The following EVI5L variants were observed in gnomAD, a reference collection of about 807,000 sequenced individuals.
EVI5L encodes the protein EVI5-like protein.
EVI5L carries 30 observed loss-of-function variants against 106.1 expected under a neutral mutation model. The observed-to-expected ratio is 0.28, with a 90% CI of 0.21 to 0.38. The LOEUF (loss-of-function observed/expected upper bound fraction) is 0.38. Among genes scored for constraint, EVI5L ranks in the 10% least tolerant of loss-of-function variants. EVI5L has a pLI of 1.00. For missense variants in EVI5L, 809 were observed against 1,098.0 expected (o/e 0.74, Z 3.72); for synonymous variants, 489 against 483.3 (o/e 1.01, Z -0.15).
At chr19:7,831,333 C>T (rs1296037657) in intron 1 of EVI5L, among the ~76,000 whole-genome samples, 1 of 151,200 alleles carries the variant, frequency 6.6e-6, no homozygotes, top group East Asian at 2.0e-4. Context: ...AGACCCCAGG[C>T]ATATCTGCCC....
chr19:7,849,993 C>A lies in EVI5L; in HGVS notation c.628-4C>A. 1 of 1,589,078 alleles carries A rather than the reference C, an allele frequency of 6.3e-7. No homozygotes were observed. Among genetic ancestry groups the A allele is most frequent in the East Asian group, 2.3e-5 (1 of 43,912 alleles). ...GAGCCCCCCCACCTGCCCGTCCCCC[C>A]TAGATGCCTGAGGAGGAGGCCTTCT... On this transcript the variant is annotated splice_polypyrimidine_tract_variant and splice_region_variant and intron_variant, in intron 5 of 19. Coordinates refer to ENST00000538904, the MANE Select transcript of EVI5L (RefSeq NM_001159944.3).
chr19:7,841,147 G>A lies in EVI5L; in HGVS notation c.-47-5349G>A, dbSNP rs368421237. 2.6e-5 allele frequency among the ~76,000 whole-genome samples: 4 copies of A among 152,134 alleles called. No homozygotes were observed. In the East Asian group the frequency reaches 5.8e-4, roughly 22 times the overall value. ...GGGCACAGGTGATTCCTGCCTCTGC[G>A]GGGGAAACACAGAACATGGAATGGT... On this transcript the variant is annotated intron_variant, in intron 1 of 19. Coordinates refer to ENST00000538904, the MANE Select transcript of EVI5L (RefSeq NM_001159944.3).
intron 8 of EVI5L, 134 bp from the exon 9 acceptor site, chr19:7,852,952 G>T (rs1979328133): frequency 1.3e-6 from 1 of 767,640 alleles, no homozygotes; most frequent in Non-Finnish European, 2.2e-6. Flanking sequence ...AAACACTGAG[G>T]ACACGGCGTT....
intron 17 of EVI5L, 44 bp from the exon 18 acceptor site, chr19:7,862,928 G>A: frequency 7.8e-7 from 1 of 1,276,554 alleles, no homozygotes; most frequent in Non-Finnish European, 1.1e-6. Flanking sequence ...GATGCGCCGC[G>A]CCCCCTGACC....
chr19:7,858,541 C>G lies in EVI5L; in HGVS notation c.1374+210C>G, dbSNP rs1035098149. The G allele has an allele frequency of 1.5e-6, 1 of 659,506 alleles. No individual in the cohort carries two copies. Among genetic ancestry groups the G allele is most frequent in the African/African-American group, 1.8e-5 (1 of 54,532 alleles). The allele number at this position is 659,506 out of a possible 1,614,324, so 40.9% of individuals were successfully genotyped here. A position where few individuals can be genotyped will look rare whatever the true frequency, so the allele number is the denominator to read the frequency against. On this transcript the variant is annotated intron_variant, in intron 13 of 19. Coordinates refer to ENST00000538904, the MANE Select transcript of EVI5L (RefSeq NM_001159944.3). The surrounding 1 kb of genome is among the most constrained non-coding windows in gnomAD (Gnocchi z 5.7). The stretch of plus-strand genomic sequence containing the variant: ...CATCCTGATATCCATTTCTTGCCAC[C>G]TCATAGTGTGTCTGCAGTATCTGAC...
In EVI5L at chr19:7,863,198, G is replaced by C; in HGVS notation, c.2057G>C (p.Arg686Pro). ...CGCACCCCGCAGAGGGAGGAAGGCC[G>C]CATCCAGGGCCAGCTGAACCACTCG... ...AELEIQREEG[R>P]IQGQLNHSDS... The change falls in exon 19 of 20, where the codon CGC becomes CCC. Residue 686 changes from arginine to proline, a missense_variant. Transcript: ENST00000538904. This position sits in a 1 kb window ranked among gnomAD's most constrained non-coding sequence, Gnocchi z 7.7. The C allele has an allele frequency of 6.4e-7, 1 of 1,557,698 alleles. No individual in the cohort carries two copies.
rs1979057214 is a variant in EVI5L, at chr19:7,848,244, G to A, written c.327+323G>A. On this transcript the variant is annotated intron_variant, in intron 3 of 19. Coordinates refer to ENST00000538904, the MANE Select transcript of EVI5L (RefSeq NM_001159944.3). This position sits in a 1 kb window ranked among gnomAD's most constrained non-coding sequence, Gnocchi z 4.8. Reference sequence around the variant, plus strand: ...AAGGTGGGAGGATCGCTTGAGGCCAGGAGTTCGAGGCCAGCCTGGGCAACG... The same window carrying A: ...AAGGTGGGAGGATCGCTTGAGGCCAAGAGTTCGAGGCCAGCCTGGGCAACG... Among the ~76,000 whole-genome samples, 1 of 151,838 alleles carries A rather than the reference G, an allele frequency of 6.6e-6. No individual in the cohort carries two copies. The highest frequency in any genetic ancestry group is 1.5e-5 in the Non-Finnish European group (1 of 67,938).
chr19:7,844,977 C>T (rs1458847817), intron 1 of EVI5L, among the ~76,000 whole-genome samples: 1 of 152,090 alleles, frequency 6.6e-6, no homozygotes, highest in East Asian at 1.9e-4. Flanking sequence ...TGAGTTTGGG[C>T]TGTGGGAAGG....
At chr19:7,847,711 C>G (rs763967496) in intron 2 of EVI5L, 21 bp from the exon 3 acceptor site, 22 of 1,605,950 alleles carry the variant, frequency 1.4e-5, no homozygotes, top group Non-Finnish European at 1.8e-5. Flanking sequence ...TGGTTCCCCT[C>G]TGTCGGCCCT....
At chr19:7,847,967 G>A (rs1345765974) in intron 3 of EVI5L, 46 bp downstream of exon 3, 1 of 1,501,006 alleles carries the variant, frequency 6.7e-7, no homozygotes, top group East Asian at 2.5e-5. Flanking sequence ...GGCGTGGGCA[G>A]GTGGTGCGGT....
chr19:7,847,992 G>C, intron 3 of EVI5L, 71 bp downstream of exon 3: 6 of 1,471,326 alleles, frequency 4.1e-6, no homozygotes, highest in Non-Finnish European at 5.4e-6. Flanking sequence ...CAGCCACCAG[G>C]CAGCGCCAGG....
chr19:7,862,650 C>A, intron 17 of EVI5L, 116 bp downstream of exon 17: 1 of 958,716 alleles, frequency 1.0e-6, no homozygotes, highest in African/African-American at 1.8e-5. Context: ...CTGCCCCTGC[C>A]CGCGGTCCTC....
chr19:7,855,465 C>T (rs759737498), intron 10 of EVI5L, among the ~76,000 whole-genome samples: 8 of 152,226 alleles, frequency 5.3e-5, no homozygotes, highest in Admixed American at 1.3e-4. Flanking sequence ...GTCTTCGAAA[C>T]CCCAGCCAGG....
At position 7,849,313 on chromosome 19, in the gene EVI5L, G is replaced by A; in HGVS notation, c.610G>A (p.Gly204Ser). ...CTGCCAGGGAAGCGCCTTCATCGTG[G>A]GCCTGCTCCTCATGCAGGTAGGTGG... ...GYCQGSAFIVGLLLMQMPEEE... is the reference protein window; with the variant it reads ...GYCQGSAFIVSLLLMQMPEEE... Residue 204 changes from glycine to serine, a missense_variant, in exon 5 of 20, where the codon GGC becomes AGC. Physicochemically the swap from Gly to Ser is moderately conservative, Grantham distance 56 (BLOSUM62 0). Transcript: ENST00000538904. 2 of 1,614,124 alleles carry A rather than the reference G, an allele frequency of 1.2e-6. No individual in the cohort carries two copies. Among genetic ancestry groups the A allele is most frequent in the Non-Finnish European group, 1.7e-6 (2 of 1,180,026 alleles).
chr19:7,849,378 C>T (rs1213005886), intron 5 of EVI5L, 48 bp downstream of exon 5: 1 of 1,596,974 alleles, frequency 6.3e-7, no homozygotes, highest in Admixed American at 1.7e-5. Context: ...ACAGCCCACC[C>T]TGGGCTCGGC....
At chr19:7,838,103 T>C (rs1281869018) in intron 1 of EVI5L, among the ~76,000 whole-genome samples, 2 of 151,804 alleles carry the variant, frequency 1.3e-5, no homozygotes, top group Admixed American at 1.3e-4. Flanking sequence ...TGGTTTTTTT[T>C]TGTTTTGTTT....
In EVI5L at chr19:7,845,725, G is replaced by T. The variant is rs1251673938; in HGVS notation, c.-47-771G>T. ...CCACCAGGGTGGCAGAAGGCGAGAGGCCAGTGTCCTTGAAGCCCCCAGAAG... is the reference window on the plus strand; with the variant it reads ...CCACCAGGGTGGCAGAAGGCGAGAGTCCAGTGTCCTTGAAGCCCCCAGAAG... On this transcript the variant is annotated intron_variant, in intron 1 of 19. Transcript: ENST00000538904. This position sits in a 1 kb window ranked among gnomAD's most constrained non-coding sequence, Gnocchi z 4.0. 6.6e-6 allele frequency among the ~76,000 whole-genome samples: 1 copy of T among 152,200 alleles called. No individual in the cohort carries two copies. The highest frequency in any genetic ancestry group is 1.5e-5 in the Non-Finnish European group (1 of 68,028).
In EVI5L at chr19:7,856,941, G is replaced by A. The variant is rs1470441033; in HGVS notation, c.1201-151G>A. The stretch of plus-strand genomic sequence containing the variant: ...GTCTTCCTCCGGGTCCTCTCCTGCT[G>A]GTTCTCTGGTCTTCCCTCCTCTCTC... On this transcript the variant is annotated intron_variant, in intron 11 of 19. Coordinates refer to ENST00000538904, the MANE Select transcript of EVI5L (RefSeq NM_001159944.3). This position sits in a 1 kb window ranked among gnomAD's most constrained non-coding sequence, Gnocchi z 6.6. 1.2e-6 allele frequency: 1 copy of A among 815,376 alleles called. No homozygotes were observed. Among genetic ancestry groups the A allele is most frequent in the African/African-American group, 1.7e-5 (1 of 59,276 alleles). 50.5% of individuals were successfully genotyped at this position (815,376 alleles called of 1,614,324 possible).
rs757965810 is a variant in EVI5L, at chr19:7,858,106, G to T, written c.1234-85G>T. 1 of 1,495,222 alleles carries T rather than the reference G, an allele frequency of 6.7e-7. No homozygotes were observed. Among genetic ancestry groups the T allele is most frequent in the Non-Finnish European group, 9.0e-7 (1 of 1,114,812 alleles). The allele number at this position is 1,495,222 out of a possible 1,614,324, so 92.6% of individuals were successfully genotyped here. A position where few individuals can be genotyped will look rare whatever the true frequency, so the allele number is the denominator to read the frequency against. ...ACTTCCCCCCACCTCCACTCTCTGGGCCTCCCCCTGTGGCGGGAGGCAGGG... is the reference window on the plus strand; with the variant it reads ...ACTTCCCCCCACCTCCACTCTCTGGTCCTCCCCCTGTGGCGGGAGGCAGGG... On this transcript the variant is annotated intron_variant, in intron 12 of 19. Coordinates refer to ENST00000538904, the MANE Select transcript of EVI5L (RefSeq NM_001159944.3). The surrounding 1 kb of genome is among the most constrained non-coding windows in gnomAD (Gnocchi z 5.7).
Sources: allele counts gnomAD v4.1 joint callset (sites outside exome capture counted in the v4.1 genomes callset), GRCh38; gene constraint gnomAD v4.1.1; non-coding constraint Gnocchi (gnomAD v3.1); transcripts MANE v1.5; gene names NCBI Gene and HGNC (gene_info 2026-07-23, HGNC 2026-07-21).